The following MIPEP variants were observed in gnomAD, a reference collection of about 807,000 sequenced individuals.
MIPEP encodes the protein mitochondrial intermediate peptidase.
In MIPEP, 79 loss-of-function variants were observed where a neutral mutation model predicts 90.3. The ratio of observed to expected loss-of-function variants is 0.87; its 90% CI spans 0.73 to 1.05. The LOEUF is 1.05. MIPEP is among the 50% of genes least tolerant of loss of function. MIPEP has a pLI of 0.00. For synonymous variants in MIPEP, 334 were observed against 315.8 expected (o/e 1.06, Z -0.61); for missense variants, 940 against 905.6 (o/e 1.04, Z -0.49).
intron 18 of MIPEP, among the ~76,000 whole-genome samples, chr13:23,733,863 T>C (rs1417065994): frequency 6.6e-6 from 1 of 152,230 alleles, no homozygotes; most frequent in Non-Finnish European, 1.5e-5. Context: ...GAGAATGTCA[T>C]TGCTGTGTCT....
chr13:23,862,407 A>G (rs369202265), intron 8 of MIPEP, 45 bp from the exon 9 acceptor site: 2 of 1,113,300 alleles, frequency 1.8e-6, no homozygotes, highest in Non-Finnish European at 2.7e-6. Context: ...AAATTTTAAC[A>G]ATTACATTAT....
chr13:23,784,343 G>A (rs7399846), intron 16 of MIPEP, among the ~76,000 whole-genome samples: 103,549 of 149,638 alleles, frequency 0.69, 38,121 homozygotes, highest in Non-Finnish European at 0.82. Context: ...ACACATCTAT[G>A]ACCATCTGAT....
At chr13:23,838,677 C>T (rs7334106) in intron 12 of MIPEP, among the ~76,000 whole-genome samples, 150,281 of 152,296 alleles carry the variant, frequency 0.99, 74,191 homozygotes, top group East Asian at 1. Context: ...CTAGCTAGAA[C>T]TGCCACACCT....
chr13:23,839,558 C>A, intron 12 of MIPEP, 91 bp downstream of exon 12: 1 of 771,892 alleles, frequency 1.3e-6, no homozygotes. Context: ...TTTTAAATGT[C>A]ATGGAATTTA....
chr13:23,787,632 G>T (rs1952860984), intron 16 of MIPEP, among the ~76,000 whole-genome samples: 1 of 152,090 alleles, frequency 6.6e-6, no homozygotes, highest in Non-Finnish European at 1.5e-5. Flanking sequence ...TTTCTCTCGT[G>T]TCCCCTACCA....
intron 1 of MIPEP, 75 bp downstream of exon 1, chr13:23,889,057 T>A: frequency 7.8e-7 from 1 of 1,275,588 alleles, no homozygotes; most frequent in Non-Finnish European, 1.0e-6. Flanking sequence ...AATCTCGCCC[T>A]GATTGTTGCT....
chr13:23,782,263 C>T (rs1370653613), intron 16 of MIPEP, among the ~76,000 whole-genome samples: 1 of 152,158 alleles, frequency 6.6e-6, no homozygotes, highest in African/African-American at 2.4e-5. Flanking sequence ...GTCTCTCAGA[C>T]CACAGTGCAA....
At chr13:23,736,472 T>C (rs904203525) in intron 18 of MIPEP, among the ~76,000 whole-genome samples, 1 of 152,202 alleles carries the variant, frequency 6.6e-6, no homozygotes, top group African/African-American at 2.4e-5. Context: ...AGCCAGAACA[T>C]TTTTGTTCTG....
At chr13:23,837,816 C>G in intron 12 of MIPEP, 60 bp from the exon 13 acceptor site, 3 of 1,337,634 alleles carry the variant, frequency 2.2e-6, no homozygotes, top group Non-Finnish European at 3.2e-6. Flanking sequence ...AAGAGTAAAA[C>G]AGTCTTAATG....
At position 23,730,389 on chromosome 13, in the gene MIPEP, A is replaced by T. The variant is rs1192230316; in HGVS notation, c.2101T>A (p.Leu701Met). The change falls in exon 19 of 19, where the codon TTG becomes ATG. Residue 701 changes from leucine to methionine, a missense_variant. Coordinates refer to ENST00000382172, the MANE Select transcript of MIPEP (RefSeq NM_005932.4). The part of the protein sequence containing the change: ...DDFVSALVSD[L>M]DLDFETFLMD... ...AGGAAAGTTTCGAAGTCCAGATCCAAGTCGGAAACGAGGGCACTTACGAAG... is the reference window on the plus strand; with the variant it reads ...AGGAAAGTTTCGAAGTCCAGATCCATGTCGGAAACGAGGGCACTTACGAAG... The T allele has an allele frequency of 6.2e-7, 1 of 1,612,940 alleles. No homozygotes were observed. Among genetic ancestry groups the T allele is most frequent in the Admixed American group, 1.7e-5 (1 of 60,024 alleles).
chr13:23,839,784 C>G (rs1869216887), intron 11 of MIPEP, 58 bp from the exon 12 acceptor site: 2 of 1,239,110 alleles, frequency 1.6e-6, no homozygotes, highest in Non-Finnish European at 2.3e-6. Context: ...TCTAAAATCC[C>G]TAACACAAGA....
intron 10 of MIPEP, among the ~76,000 whole-genome samples, chr13:23,854,063 C>G (rs543317289): frequency 6.6e-6 from 1 of 151,682 alleles, no homozygotes; most frequent in East Asian, 1.9e-4. Context: ...CGGTGGCTCA[C>G]GCCTGTAATC....
intron 14 of MIPEP, among the ~76,000 whole-genome samples, chr13:23,810,786 G>A (rs1436685749): frequency 6.6e-6 from 1 of 152,206 alleles, no homozygotes; most frequent in Non-Finnish European, 1.5e-5. Flanking sequence ...TGCTTTGTAG[G>A]AGTCTACTCG....
chr13:23,869,545 G>T, intron 6 of MIPEP, 97 bp from the exon 7 acceptor site: 2 of 1,113,534 alleles, frequency 1.8e-6, no homozygotes, highest in South Asian at 1.9e-5. Flanking sequence ...ATCTGCAGAT[G>T]ATCACTGCTT....
chr13:23,807,240 A>C (rs9553071), intron 15 of MIPEP, among the ~76,000 whole-genome samples: 54,652 of 152,126 alleles, frequency 0.36, 10,639 homozygotes, highest in African/African-American at 0.51. Flanking sequence ...AATAAACATA[A>C]AGCATTTTTT....
At chr13:23,809,535 G>C (rs1172793953) in intron 15 of MIPEP, among the ~76,000 whole-genome samples, 1 of 152,036 alleles carries the variant, frequency 6.6e-6, no homozygotes, top group Non-Finnish European at 1.5e-5. Flanking sequence ...AGTAGAGATG[G>C]GGTTTCACCG....
At chr13:23,799,210 A>AT (rs1491180372) in intron 16 of MIPEP, among the ~76,000 whole-genome samples, 4 of 151,176 alleles carry the variant, frequency 2.6e-5, no homozygotes, top group African/African-American at 9.7e-5. Flanking sequence ...GGGTTTCACC[A>AT]TGTTGCCCAG....
At chr13:23,886,187 T>C (rs1261250556) in intron 2 of MIPEP, 146 bp downstream of exon 2, 1 of 551,228 alleles carries the variant, frequency 1.8e-6, no homozygotes, top group Non-Finnish European at 2.8e-6. Context: ...TATTTCATCA[T>C]AAAAAATTAT....
intron 3 of MIPEP, among the ~76,000 whole-genome samples, chr13:23,880,132 C>T (rs1441538801): frequency 6.6e-6 from 1 of 152,128 alleles, no homozygotes; most frequent in Non-Finnish European, 1.5e-5. Context: ...CAAGGATACT[C>T]CTGTTCCTCA....
Sources: allele counts gnomAD v4.1 joint callset (sites outside exome capture counted in the v4.1 genomes callset), GRCh38; gene constraint gnomAD v4.1.1; transcripts MANE v1.5; gene names NCBI Gene and HGNC (gene_info 2026-07-23, HGNC 2026-07-21).